Variants in NUDT8 observed in about 807,000 individuals in gnomAD.
The protein encoded by NUDT8 is mitochondrial coenzyme A diphosphatase NUDT8.
A neutral mutation model predicts 12.5 loss-of-function variants in NUDT8; 14 were observed. The ratio of observed to expected loss-of-function variants is 1.12; its 90% CI spans 0.74 to 1.75. The LOEUF is 1.75. Ranked by LOEUF, NUDT8 falls within the 40% of genes most tolerant of loss-of-function variation. The pLI is 0.00. For missense variants in NUDT8, 337 were observed against 318.5 expected (o/e 1.06, Z -0.44); for synonymous variants, 163 against 156.2 (o/e 1.04, Z -0.33).
Position 67,629,925 on chromosome 11 carries a change from C to T in NUDT8, c.-14G>A, listed in dbSNP as rs1855186037. On this transcript the variant is annotated 5_prime_UTR_variant, in exon 1 of 4. Coordinates refer to ENST00000376693, the MANE Select transcript of NUDT8 (RefSeq NM_001243750.2). ...GTCGGGCAGCATGTCAAGTCCTGCG[C>T]GGCCGGGACACTGAGGGCGCGGGAT... 1 of 1,223,960 alleles carries T rather than the reference C, an allele frequency of 8.2e-7. No individual in the cohort carries two copies. Among genetic ancestry groups the T allele is most frequent in the South Asian group, 4.0e-5 (1 of 25,248 alleles). The allele number at this position is 1,223,960 out of a possible 1,614,324, so 75.8% of individuals were successfully genotyped here.
In NUDT8 at chr11:67,629,700, A is replaced by G. The variant is rs2134095501; in HGVS notation, c.194+18T>C. On this transcript the variant is annotated intron_variant, in intron 1 of 3. Transcript: ENST00000376693. The stretch of plus-strand genomic sequence containing the variant: ...CTGTAGCCTCCGGCAAAGGGCGAGG[A>G]GTTCCCGGCCGCTGTACCTGACGTC... The G allele has an allele frequency of 1.4e-6, 2 of 1,441,036 alleles. No individual in the cohort carries two copies. Among genetic ancestry groups the G allele is most frequent in the East Asian group, 2.9e-5 (1 of 34,896 alleles). The allele number at this position is 1,441,036 out of a possible 1,614,324, so 89.3% of individuals were successfully genotyped here.
At position 67,629,868 on chromosome 11, in the gene NUDT8, C is replaced by A; in HGVS notation, c.44G>T (p.Arg15Leu). The A allele has an allele frequency of 8.0e-7, 1 of 1,251,076 alleles. No homozygotes were observed. The highest frequency in any genetic ancestry group is 1.0e-6 in the Non-Finnish European group (1 of 1,004,280). The allele number at this position is 1,251,076 out of a possible 1,614,324, so 77.5% of individuals were successfully genotyped here. A position where few individuals can be genotyped will look rare whatever the true frequency, so the allele number is the denominator to read the frequency against. ...CLSAEGELRC[R>L]RLLAGATARL... ...GGCCGTGGCCCCTGCCAGCAGCCGGCGGCAGCGCAGCTCGCCCTCGGCCGA... is the reference window on the plus strand; with the variant it reads ...GGCCGTGGCCCCTGCCAGCAGCCGGAGGCAGCGCAGCTCGCCCTCGGCCGA... Residue 15 changes from arginine (R) to leucine (L), a missense_variant, in exon 1 of 4, where the codon CGC becomes CTC. Coordinates refer to ENST00000376693, the MANE Select transcript of NUDT8 (RefSeq NM_001243750.2).
chr11:67,629,090 G>A, intron 1 of NUDT8, 39 bp from the exon 2 acceptor site: 1 of 1,571,480 alleles, frequency 6.4e-7, no homozygotes, highest in Non-Finnish European at 8.7e-7. Flanking sequence ...GGACTCTTGG[G>A]GCCACGGAGA....
At chr11:67,629,479 A>G (rs1855171413) in intron 1 of NUDT8, 2 of 402,888 alleles carry the variant, frequency 5.0e-6, no homozygotes, top group African/African-American at 2.1e-5. Flanking sequence ...CGTGCGCGCA[A>G]GGACGCGTAC....
At chr11:67,629,489 C>G (rs1855171935) in intron 1 of NUDT8, 1 of 406,348 alleles carries the variant, frequency 2.5e-6, no homozygotes, top group East Asian at 3.7e-5. Flanking sequence ...AGGACGCGTA[C>G]GAGGGGCCCA....
chr11:67,629,256 C>A (rs917125532), intron 1 of NUDT8: 34 of 566,774 alleles, frequency 6.0e-5, no homozygotes, highest in Admixed American at 1.3e-4. Flanking sequence ...AGGCCCGGGA[C>A]AGCGCAGGAT....
Position 67,628,953 on chromosome 11 carries a change from T to C in NUDT8, c.293A>G (p.His98Arg), listed in dbSNP as rs1342832908. ...CACAGGCCGCAGCAGGCCCCACACGTGCTCCTCGGGCACTGCCAGGCCCAG... is the reference window on the plus strand; with the variant it reads ...CACAGGCCGCAGCAGGCCCCACACGCGCTCCTCGGGCACTGCCAGGCCCAG... Reference protein sequence around the residue: ...EELGLAVPEEHVWGLLRPVYD... With the variant: ...EELGLAVPEERVWGLLRPVYD... Residue 98 changes from histidine to arginine, a missense_variant, in exon 2 of 4, where the codon CAC becomes CGC. Transcript: ENST00000376693. 1 of 1,612,398 alleles carries C rather than the reference T, an allele frequency of 6.2e-7. No homozygotes were observed. The highest frequency in any genetic ancestry group is 8.5e-7 in the Non-Finnish European group (1 of 1,179,550).
Position 67,627,959 on chromosome 11 carries a change from T to C in NUDT8, c.698A>G (p.Asn233Ser). ...GCTCTAGAGCTGTCAAAGACCTTTA[T>C]TCAGTCCTGGAGTGGAGCTGGCCTG... ...PCQASSTPGL[N>S]KGL Residue 233 changes from asparagine to serine, a missense_variant, in exon 4 of 4, where the codon AAT becomes AGT. Physicochemically the swap from Asn to Ser is conservative, Grantham distance 46. Coordinates refer to ENST00000376693, the MANE Select transcript of NUDT8 (RefSeq NM_001243750.2). 6.3e-7 allele frequency: 1 copy of C among 1,585,696 alleles called. No homozygotes were observed. The highest frequency in any genetic ancestry group is 1.1e-5 in the South Asian group (1 of 89,920).
intron 1 of NUDT8, 115 bp from the exon 2 acceptor site, chr11:67,629,166 A>G (rs977422143): frequency 1.7e-6 from 2 of 1,156,214 alleles, no homozygotes; most frequent in African/African-American, 1.9e-5. Flanking sequence ...CTCTGCCCCT[A>G]GTTTACTGGG....
rs201240001 is a variant in NUDT8 at position 67,628,978 on chromosome 11, G to C, written c.268C>G (p.Leu90Val). The stretch of plus-strand genomic sequence containing the variant: ...TGCTCCTCGGGCACTGCCAGGCCCA[G>C]CTCCTCCCGGGTTTCCCGCAGGGCC... ...HTALRETREE[L>V]GLAVPEEHVW... The change falls in exon 2 of 4, where the codon CTG (leucine) becomes GTG (valine). Residue 90 changes from leucine (L) to valine (V), a missense_variant. Transcript: ENST00000376693. 132 of 1,612,982 alleles carry C rather than the reference G, an allele frequency of 8.2e-5. No individual in the cohort carries two copies. The highest frequency in any genetic ancestry group is 1.1e-4 in the Non-Finnish European group (131 of 1,179,852).
chr11:67,628,864 AGGGCAGGCACAGAGTGAGTGAAT>A, intron 2 of NUDT8, 32 bp downstream of exon 2: 1 of 1,555,766 alleles, frequency 6.4e-7, no homozygotes, highest in Non-Finnish European at 8.7e-7. Flanking sequence ...GCCCAGCTCC[AGGGCAGGCACAGAGTGAGTGAAT>A]GGGGTGGGGT....
chr11:67,629,269 G>C, intron 1 of NUDT8: 1 of 503,360 alleles, frequency 2.0e-6, no homozygotes, highest in Non-Finnish European at 3.5e-6. Context: ...CGCAGGATAA[G>C]AGGGTCTGCA....
Position 67,629,919 on chromosome 11 carries a change from C to T in NUDT8, c.-8G>A. 5 of 1,227,632 alleles carry T rather than the reference C, an allele frequency of 4.1e-6. No individual in the cohort carries two copies. The highest frequency in any genetic ancestry group is 4.1e-6 in the Non-Finnish European group (4 of 987,470). The allele number at this position is 1,227,632 out of a possible 1,614,324, so 76.0% of individuals were successfully genotyped here. The stretch of plus-strand genomic sequence containing the variant: ...CAGGCAGTCGGGCAGCATGTCAAGT[C>T]CTGCGCGGCCGGGACACTGAGGGCG... On this transcript the variant is annotated 5_prime_UTR_variant, in exon 1 of 4. Transcript: ENST00000376693.
Position 67,628,353 on chromosome 11 carries a change from A to T in NUDT8, c.375T>A (p.Asp125Glu). 6.2e-7 allele frequency: 1 copy of T among 1,613,824 alleles called. No homozygotes were observed. Among genetic ancestry groups the T allele is most frequent in the Admixed American group, 1.7e-5 (1 of 60,002 alleles). Residue 125 changes from aspartate to glutamate, a missense_variant, in exon 3 of 4, where the codon GAT (aspartate) becomes GAA (glutamate). Transcript: ENST00000376693. ...CCGAGTTGGGCCTGAGGCTCTGGGG[A>T]TCCAGTGGGCCTACACCAGCAAGCA... is the stretch of plus-strand genomic sequence containing the variant. ...VPVLAGVGPLDPQSLRPNSEE... is the reference protein window; with the variant it reads ...VPVLAGVGPLEPQSLRPNSEE...
chr11:67,629,170 T>A, intron 1 of NUDT8, 119 bp from the exon 2 acceptor site: 1 of 1,112,508 alleles, frequency 9.0e-7, no homozygotes, highest in Non-Finnish European at 1.3e-6. Flanking sequence ...GCCCCTAGTT[T>A]ACTGGGAGGC....
In NUDT8 at chr11:67,628,228, C is replaced by G. The variant is rs373309307; in HGVS notation, c.429G>C (p.Pro143=). 5 of 1,612,646 alleles carry G rather than the reference C, an allele frequency of 3.1e-6. No individual in the cohort carries two copies. In the East Asian group the frequency reaches 1.1e-4, roughly 36 times the overall value. The stretch of plus-strand genomic sequence containing the variant: ...TCTGCGTCTGCAGCAGGTGGGCCAG[C>G]GGCAGTGCAAACACCTCATCTACCT... ...SEEVDEVFAL[P]LAHLLQTQNQ... is the part of the protein sequence containing the mutation. The change falls in exon 4 of 4, where the codon CCG becomes CCC. Residue 143 remains proline, a synonymous_variant. Coordinates refer to ENST00000376693, the MANE Select transcript of NUDT8 (RefSeq NM_001243750.2).
At chr11:67,629,600 C>T in intron 1 of NUDT8, 118 bp downstream of exon 1, 1 of 490,508 alleles carries the variant, frequency 2.0e-6, no homozygotes, top group East Asian at 3.7e-5. Flanking sequence ...CTCCCCAGAC[C>T]CATTTTACGG....
chr11:67,629,281 C>A, intron 1 of NUDT8: 1 of 469,242 alleles, frequency 2.1e-6, no homozygotes, highest in South Asian at 3.8e-5. Context: ...GGGTCTGCAG[C>A]AGGGGCAAGA....
At position 67,628,360 on chromosome 11, in the gene NUDT8, G is replaced by A. The variant is rs753733749; in HGVS notation, c.368C>T (p.Pro123Leu). ...TVVPVLAGVG[P>L]LDPQSLRPNS... is the part of the protein sequence containing the mutation. ...GGGCCTGAGGCTCTGGGGATCCAGT[G>A]GGCCTACACCAGCAAGCACTGGCAC... Residue 123 changes from proline (P) to leucine (L), a missense_variant, in exon 3 of 4, where the codon CCA becomes CTA. Physicochemically the swap from Pro to Leu is moderately conservative, Grantham distance 98. Coordinates refer to ENST00000376693, the MANE Select transcript of NUDT8 (RefSeq NM_001243750.2). 10 of 1,613,928 alleles carry A rather than the reference G, an allele frequency of 6.2e-6. No homozygotes were observed. The Admixed American group carries it at 8.3e-5, about 13-fold the overall frequency.
Sources: gnomAD v4.1 joint callset for allele counts on GRCh38, gnomAD v4.1.1 for gene constraint, MANE v1.5 for transcripts, NCBI Gene and HGNC (gene_info 2026-07-23, HGNC 2026-07-21) for gene names.